Variants in FBXW4 observed in about 807,000 individuals in gnomAD.
FBXW4 encodes the protein F-box and WD repeat domain containing 4.
FBXW4 carries 40 observed loss-of-function variants against 61.8 expected under a neutral mutation model. The ratio of observed to expected loss-of-function variants is 0.65; its 90% confidence interval spans 0.50 to 0.84. The LOEUF (loss-of-function observed/expected upper bound fraction) is 0.84. Ranked by LOEUF, FBXW4 falls within the 40% of genes least tolerant of loss-of-function variation. The pLI is 0.00. For missense variants in FBXW4, 672 were observed against 753.8 expected (o/e 0.89, Z 1.27); for synonymous variants, 311 against 313.8 (o/e 0.99, Z 0.10).
intron 5 of FBXW4, among the ~76,000 whole-genome samples, chr10:101,654,710 T>G (rs4919565): frequency 1 from 151,842 of 152,352 alleles, 75,670 homozygotes; most frequent in East Asian, 1. Flanking sequence ...CATCTTTTGG[T>G]TCCATAAATG....
At chr10:101,633,974 G>A (rs1374967091) in intron 5 of FBXW4, among the ~76,000 whole-genome samples, 2 of 151,938 alleles carry the variant, frequency 1.3e-5, no homozygotes, top group Non-Finnish European at 2.9e-5. Context: ...TTAGCCAGGC[G>A]TGGTGGTGGG....
chr10:101,674,648 A>G (rs926386838), intron 2 of FBXW4, among the ~76,000 whole-genome samples: 1 of 152,252 alleles, frequency 6.6e-6, no homozygotes, highest in African/African-American at 2.4e-5. Flanking sequence ...TTAGAGAGTA[A>G]GTGTGGCAAT....
chr10:101,654,118 T>C (rs1429746825), intron 5 of FBXW4, among the ~76,000 whole-genome samples: 1 of 786 alleles, frequency 1.3e-3, no homozygotes, highest in Non-Finnish European at 3.9e-3. Flanking sequence ...AGACTCCGTC[T>C]TAAAAAAAAA....
At chr10:101,655,347 C>T (rs553151122) in intron 5 of FBXW4, among the ~76,000 whole-genome samples, 14 of 152,256 alleles carry the variant, frequency 9.2e-5, no homozygotes, top group Admixed American at 2.0e-4. Context: ...AAGGATTTTC[C>T]GGACCAAAGA....
intron 1 of FBXW4, among the ~76,000 whole-genome samples, chr10:101,691,553 T>C (rs2064603288): frequency 1.3e-5 from 2 of 152,336 alleles, no homozygotes; most frequent in South Asian, 2.1e-4. Flanking sequence ...TTTTACACCA[T>C]AAATTCACTT....
chr10:101,631,803 AT>A, intron 5 of FBXW4, among the ~76,000 whole-genome samples: 1 of 151,792 alleles, frequency 6.6e-6, no homozygotes, highest in Non-Finnish European at 1.5e-5. Flanking sequence ...AATTTTTTGT[AT>A]TTTTAGTAGA....
At chr10:101,660,977 AAGAC>A in intron 5 of FBXW4, among the ~76,000 whole-genome samples, 1 of 152,344 alleles carries the variant, frequency 6.6e-6, no homozygotes, top group South Asian at 2.1e-4. Context: ...TGAAGAGAGA[AAGAC>A]AGAGAGTGGA....
At chr10:101,661,866 G>T (rs1018442791) in intron 5 of FBXW4, among the ~76,000 whole-genome samples, 6 of 152,166 alleles carry the variant, frequency 3.9e-5, no homozygotes, top group African/African-American at 1.4e-4. Flanking sequence ...GCCATCAGGA[G>T]GACCAGCTAC....
intron 5 of FBXW4, among the ~76,000 whole-genome samples, chr10:101,637,751 T>C (rs999401859): frequency 7.0e-6 from 1 of 143,410 alleles, no homozygotes. Context: ...ATAGCCAAAA[T>C]TACCCTCCTC....
In FBXW4 at chr10:101,612,496, A is replaced by G; in HGVS notation, c.1302-19T>C. On this transcript the variant is annotated intron_variant, in intron 6 of 8. Coordinates refer to ENST00000331272, the MANE Select transcript of FBXW4 (RefSeq NM_022039.4). The stretch of plus-strand genomic sequence containing the variant: ...CTGCCCACTGGGAAGGGAAGGACGG[A>G]GTGAGAGGCTGCTCCACGTGGGTCA... The G allele has an allele frequency of 6.5e-7, 1 of 1,537,390 alleles. No homozygotes were observed. Among genetic ancestry groups the G allele is most frequent in the East Asian group, 2.4e-5 (1 of 41,338 alleles).
intron 6 of FBXW4, among the ~76,000 whole-genome samples, chr10:101,620,952 A>T (rs538344546): frequency 2.0e-5 from 3 of 152,268 alleles, no homozygotes; most frequent in African/African-American, 7.2e-5. Flanking sequence ...CACCAAGGCA[A>T]CCATAGGCAG....
intron 1 of FBXW4, among the ~76,000 whole-genome samples, chr10:101,682,587 G>A (rs1377467730): frequency 2.0e-5 from 3 of 152,116 alleles, no homozygotes; most frequent in Admixed American, 6.6e-5. Flanking sequence ...GGAAGAAAAC[G>A]AAAGTAAAAG....
At chr10:101,619,264 T>C (rs959649758) in intron 6 of FBXW4, among the ~76,000 whole-genome samples, 1 of 152,100 alleles carries the variant, frequency 6.6e-6, no homozygotes, top group Non-Finnish European at 1.5e-5. Flanking sequence ...GAAGCAGAAA[T>C]ATTCTGGCAC....
chr10:101,672,302 A>G (rs184033371), intron 4 of FBXW4, among the ~76,000 whole-genome samples: 8 of 152,314 alleles, frequency 5.3e-5, no homozygotes, highest in African/African-American at 1.7e-4. Context: ...GTGGAAGCCT[A>G]TTTGATCCAG....
chr10:101,615,617 G>A (rs1159609306), intron 6 of FBXW4, among the ~76,000 whole-genome samples: 1 of 152,070 alleles, frequency 6.6e-6, no homozygotes, highest in Admixed American at 6.5e-5. Flanking sequence ...GGGCCCCCTG[G>A]CCCAAACCAT....
At chr10:101,654,814 T>C (rs2064172813) in intron 5 of FBXW4, among the ~76,000 whole-genome samples, 1 of 152,206 alleles carries the variant, frequency 6.6e-6, no homozygotes, top group African/African-American at 2.4e-5. Context: ...TGGATATTTA[T>C]GGTTTCTTTT....
At chr10:101,631,859 C>T (rs2063961139) in intron 5 of FBXW4, among the ~76,000 whole-genome samples, 1 of 152,140 alleles carries the variant, frequency 6.6e-6, no homozygotes, top group South Asian at 2.1e-4. Context: ...GATCTCCTGA[C>T]CTTGTGATCC....
chr10:101,672,715 CCT>C (rs2064369175), intron 4 of FBXW4, among the ~76,000 whole-genome samples, 198 bp downstream of exon 4: 1 of 152,194 alleles, frequency 6.6e-6, no homozygotes, highest in African/African-American at 2.4e-5. Flanking sequence ...ACTGTCCACT[CCT>C]TTCCCAGTCC....
At chr10:101,660,332 G>T (rs1211421167) in intron 5 of FBXW4, 4 of 627,250 alleles carry the variant, frequency 6.4e-6, no homozygotes, top group Non-Finnish European at 7.9e-6. Context: ...TGGGTTGGGA[G>T]GGGGGGTGGG....
Sources: gnomAD v4.1 joint callset for allele counts (sites outside exome capture counted in the v4.1 genomes callset) on GRCh38, gnomAD v4.1.1 for gene constraint, MANE v1.5 for transcripts, NCBI Gene and HGNC (gene_info 2026-07-23, HGNC 2026-07-21) for gene names.